The following VCP variants were observed in gnomAD, a reference collection of about 807,000 sequenced individuals.
The protein encoded by VCP is valosin containing protein.
In VCP, 6 loss-of-function variants were observed where a neutral mutation model predicts 85.7. That is an observed-to-expected ratio of 0.07 (90% CI 0.04 to 0.14). The LOEUF is 0.14. Ranked by LOEUF, VCP falls within the 10% of genes least tolerant of loss-of-function variation. The pLI is 1.00. For synonymous variants in VCP, 384 were observed against 367.1 expected (o/e 1.05, Z -0.53); for missense variants, 353 against 1,043.4 (o/e 0.34, Z 9.12).
Position 35,062,961 on chromosome 9 carries a change from T to C in VCP, c.811+17A>G. 4 of 1,613,824 alleles carry C rather than the reference T, an allele frequency of 2.5e-6. No individual in the cohort carries two copies. Among genetic ancestry groups the C allele is most frequent in the Non-Finnish European group, 3.4e-6 (4 of 1,179,794 alleles). ...AAATTGGGTCTAGCTAGACATAAGA[T>C]GAACCAAATATCTCACCATTGATCA... is the stretch of plus-strand genomic sequence containing the variant. On this transcript the variant is annotated intron_variant, in intron 7 of 16. Coordinates refer to ENST00000358901, the MANE Select transcript of VCP (RefSeq NM_007126.5).
chr9:35,063,610 T>C (rs890450842), intron 6 of VCP, among the ~76,000 whole-genome samples: 13 of 152,172 alleles, frequency 8.5e-5, no homozygotes, highest in Admixed American at 3.3e-4. Flanking sequence ...ACTGTCCACA[T>C]AGAAAATGAA....
At position 35,061,061 on chromosome 9, in the gene VCP, T is replaced by G; in HGVS notation, c.1313A>C (p.Asp438Ala). The part of the protein sequence containing the change: ...DLIDLEDETI[D>A]AEVMNSLAVT... ...TGCTAGAGAGTTCATGACCTCGGCATCAATGGTCTCATCCTCTAGGTCAAT... is the reference window on the plus strand; with the variant it reads ...TGCTAGAGAGTTCATGACCTCGGCAGCAATGGTCTCATCCTCTAGGTCAAT... Residue 438 changes from aspartate to alanine, a missense_variant, in exon 11 of 17, where the codon GAT becomes GCT. Around this residue, in one of 8 missense-constraint regions of VCP, gnomAD observed 22 missense variants for 31.2 expected, o/e 0.70. Coordinates refer to ENST00000358901, the MANE Select transcript of VCP (RefSeq NM_007126.5). 6.2e-7 allele frequency: 1 copy of G among 1,614,156 alleles called. No individual in the cohort carries two copies. Among genetic ancestry groups the G allele is most frequent in the Non-Finnish European group, 8.5e-7 (1 of 1,180,028 alleles).
chr9:35,067,264 C>T (rs1168218268), intron 3 of VCP, among the ~76,000 whole-genome samples: 1 of 152,164 alleles, frequency 6.6e-6, no homozygotes, highest in African/African-American at 2.4e-5. Context: ...AGACTCCATT[C>T]AAAAGAATCA....
At chr9:35,062,950 T>C in intron 7 of VCP, 28 bp downstream of exon 7, 1 of 1,612,736 alleles carries the variant, frequency 6.2e-7, no homozygotes, top group Non-Finnish European at 8.5e-7. Flanking sequence ...TGGGTCTAGC[T>C]AGACATAAGA....
chr9:35,066,858 C>CCAAA, intron 3 of VCP, 41 bp from the exon 4 acceptor site: 1 of 1,613,392 alleles, frequency 6.2e-7, no homozygotes, highest in Non-Finnish European at 8.5e-7. Flanking sequence ...AACCACACTT[C>CCAAA]GGGCCCAAGC....
At chr9:35,057,953 C>A (rs1312440788) in intron 15 of VCP, 5 of 302,484 alleles carry the variant, frequency 1.7e-5, no homozygotes, top group Non-Finnish European at 3.2e-5. Context: ...AAAGGAAATG[C>A]CAATGGCTTT....
intron 7 of VCP, 99 bp downstream of exon 7, chr9:35,062,879 G>A: frequency 9.5e-7 from 1 of 1,055,302 alleles, no homozygotes; most frequent in East Asian, 2.4e-5. Context: ...ACATGAAGGA[G>A]GGCATGGGTG....
chr9:35,066,172 T>A (rs918734696), intron 4 of VCP, among the ~76,000 whole-genome samples: 1 of 151,256 alleles, frequency 6.6e-6, no homozygotes, highest in Admixed American at 6.6e-5. Flanking sequence ...GGCTCATGCC[T>A]GTAATCCCAG....
intron 1 of VCP, among the ~76,000 whole-genome samples, chr9:35,071,293 G>GTTTTTTTT (rs869178164): frequency 4.3e-5 from 3 of 69,118 alleles, no homozygotes; most frequent in African/African-American, 1.1e-4. Flanking sequence ...GGCTGGCTGT[G>GTTTTTTTT]TTTTTTTTTT....
intron 1 of VCP, chr9:35,071,670 A>C: frequency 1.0e-6 from 1 of 977,464 alleles, no homozygotes; most frequent in Non-Finnish European, 1.2e-6. Context: ...CAACAGGCCT[A>C]AAGTAAGAAG....
In VCP at chr9:35,060,698, G is replaced by A. The variant is rs180798421; in HGVS notation, c.1482+103C>T. 9.8e-4 allele frequency: 1,562 copies of A among 1,599,894 alleles called. 1 individual carries two copies. Among genetic ancestry groups the A allele is most frequent in the Non-Finnish European group, 1.3e-3 (1,499 of 1,167,888 alleles). ...CCTAAGAACAGTAGGTTCCTAAGTC[G>A]TGCTCTCACAACTCTTGCAGCAAAT... On this transcript the variant is annotated intron_variant, in intron 12 of 16. Coordinates refer to ENST00000358901, the MANE Select transcript of VCP (RefSeq NM_007126.5).
rs1205768638 is a variant in VCP, at chr9:35,063,212, A to C, written c.709-132T>G. On this transcript the variant is annotated intron_variant, in intron 6 of 16. Coordinates refer to ENST00000358901, the MANE Select transcript of VCP (RefSeq NM_007126.5). ...TATTAAGAATAAGCCCTCCGCAGTA[A>C]ATGCTAAGAAGACAATTACTTTAGG... The C allele has an allele frequency of 3.7e-5, 29 of 782,102 alleles. No individual in the cohort carries two copies. In the Admixed American group the frequency reaches 5.7e-4, roughly 15 times the overall value. 48.4% of individuals were successfully genotyped at this position (782,102 alleles called of 1,614,324 possible). A position where few individuals can be genotyped will look rare whatever the true frequency, so the allele number is the denominator to read the frequency against.
At position 35,061,117 on chromosome 9, in the gene VCP, A is replaced by G. The variant is rs1322189972; in HGVS notation, c.1257T>C (p.Ala419=). Residue 419 remains alanine, a synonymous_variant, in exon 11 of 17, where the codon GCT becomes GCC. Transcript: ENST00000358901. ...ADLAALCSEA[A]LQAIRKKMDL... is the part of the protein sequence containing the mutation. ...CCATCTTCTTGCGGATGGCTTGCAG[A>G]GCAGCCTCTGAGCACAGGGCTGCTA... is the stretch of plus-strand genomic sequence containing the variant. 6.2e-7 allele frequency: 1 copy of G among 1,614,100 alleles called. No homozygotes were observed. Among genetic ancestry groups the G allele is most frequent in the East Asian group, 2.2e-5 (1 of 44,880 alleles).
At position 35,063,056 on chromosome 9, in the gene VCP, C is replaced by T; in HGVS notation, c.733G>A (p.Gly245Arg). 6.2e-7 allele frequency: 1 copy of T among 1,614,014 alleles called. No individual in the cohort carries two copies. The highest frequency in any genetic ancestry group is 8.5e-7 in the Non-Finnish European group (1 of 1,180,010). The change falls in exon 7 of 17, where the codon GGA becomes AGA. Residue 245 changes from glycine to arginine, a missense_variant. This residue lies in a region of VCP where 85 missense variants were observed against 345.2 expected (regional missense o/e 0.25). Transcript: ENST00000358901. ...AGGGTCTTTCCTGTTCCAGGAGGTC[C>T]GTAAAGCAGGATTCCTCTAGGAGGC... ...VKPPRGILLY[G>R]PPGTGKTLIA...
At position 35,059,418 on chromosome 9, in the gene VCP, C is replaced by T. The variant is rs1385187713; in HGVS notation, c.2004+75G>A. 1 of 1,581,768 alleles carries T rather than the reference C, an allele frequency of 6.3e-7. No homozygotes were observed. Among genetic ancestry groups the T allele is most frequent in the African/African-American group, 1.3e-5 (1 of 74,312 alleles). On this transcript the variant is annotated intron_variant, in intron 14 of 16. Transcript: ENST00000358901. This position sits in a 1 kb window ranked among gnomAD's most constrained non-coding sequence, Gnocchi z 4.9. Reference sequence around the variant, plus strand: ...AACCCTAACCCCAGTGGAATCTTGTCCAGAAACTAAAGAGCACTCCGTACC... The same window carrying T: ...AACCCTAACCCCAGTGGAATCTTGTTCAGAAACTAAAGAGCACTCCGTACC...
In VCP at chr9:35,059,312, G is replaced by A; in HGVS notation, c.2005-93C>T. Reference sequence around the variant, plus strand: ...ACCCGAGCACTCCCAACTACAGTTTGCCCCTTCTTTGGCCACCCCATTTTA... The same window carrying A: ...ACCCGAGCACTCCCAACTACAGTTTACCCCTTCTTTGGCCACCCCATTTTA... On this transcript the variant is annotated intron_variant, in intron 14 of 16. Coordinates refer to ENST00000358901, the MANE Select transcript of VCP (RefSeq NM_007126.5). The surrounding 1 kb of genome is among the most constrained non-coding windows in gnomAD (Gnocchi z 4.9). 2 of 1,578,876 alleles carry A rather than the reference G, an allele frequency of 1.3e-6. No homozygotes were observed. The highest frequency in any genetic ancestry group is 8.6e-7 in the Non-Finnish European group (1 of 1,160,220).
intron 1 of VCP, among the ~76,000 whole-genome samples, chr9:35,071,591 A>G (rs796854805): frequency 1.3e-5 from 2 of 152,344 alleles, no homozygotes; most frequent in African/African-American, 4.8e-5. Context: ...AATGTTAAAG[A>G]AAAATTCCTT....
Position 35,056,952 on chromosome 9 carries a change from T to G in VCP, c.*165A>C. On this transcript the variant is annotated 3_prime_UTR_variant, in exon 17 of 17. Transcript: ENST00000358901. ...TTTTATCGCTTTTGTTTTGTATTTTTGCAACAGAAACCCCCTGTCCAGAGT... is the reference window on the plus strand; with the variant it reads ...TTTTATCGCTTTTGTTTTGTATTTTGGCAACAGAAACCCCCTGTCCAGAGT... 1 of 701,048 alleles carries G rather than the reference T, an allele frequency of 1.4e-6. No individual in the cohort carries two copies. The highest frequency in any genetic ancestry group is 1.5e-5 in the South Asian group (1 of 64,730). The allele number at this position is 701,048 out of a possible 1,614,324, so 43.4% of individuals were successfully genotyped here.
Position 35,065,040 on chromosome 9 carries a change from G to C in VCP, c.576+211C>G, listed in dbSNP as rs147421533. Reference sequence around the variant, plus strand: ...GTACCACCATGCCTGGCTAATTTTTGTATTTTTAGTAGAGATGGGATTTCA... The same window carrying C: ...GTACCACCATGCCTGGCTAATTTTTCTATTTTTAGTAGAGATGGGATTTCA... On this transcript the variant is annotated intron_variant, in intron 5 of 16. Coordinates refer to ENST00000358901, the MANE Select transcript of VCP (RefSeq NM_007126.5). 1.6e-3 allele frequency among the ~76,000 whole-genome samples: 248 copies of C among 152,238 alleles called. 1 individual carries two copies. The highest frequency in any genetic ancestry group is 5.6e-3 in the African/African-American group (231 of 41,542).
Sources: gnomAD v4.1 joint callset for allele counts (sites outside exome capture counted in the v4.1 genomes callset) on GRCh38, gnomAD v4.1.1 for gene constraint, gnomAD v4.1.1 regional missense constraint, Gnocchi (gnomAD v3.1) non-coding constraint, MANE v1.5 for transcripts, NCBI Gene and HGNC (gene_info 2026-07-23, HGNC 2026-07-21) for gene names.